Variants in ICA1 observed in about 807,000 individuals in gnomAD.
ICA1 encodes the protein islet cell autoantigen 1.
A neutral mutation model predicts 71.0 loss-of-function variants in ICA1; 40 were observed. The observed-to-expected ratio is 0.56, with a 90% CI of 0.44 to 0.73. The LOEUF is 0.73. Among genes scored for constraint, ICA1 ranks in the 30% least tolerant of loss-of-function variants. The pLI, the probability that ICA1 is intolerant of heterozygous loss-of-function variation, is 0.00. For synonymous variants in ICA1, 207 were observed against 209.5 expected, an observed-to-expected ratio of 0.99 and a Z score of 0.10; for missense variants, 578 against 576.5, an observed-to-expected ratio of 1.00 and a Z score of -0.03.
chr7:8,147,664 T>C (rs546267504), intron 8 of ICA1, among the ~76,000 whole-genome samples: 1 of 147,514 alleles, frequency 6.8e-6, no homozygotes, highest in South Asian at 2.2e-4. Flanking sequence ...GTTTATTAAA[T>C]ATTAGAATTT....
chr7:8,250,565 T>C (rs1807821928), intron 1 of ICA1, among the ~76,000 whole-genome samples: 1 of 152,226 alleles, frequency 6.6e-6, no homozygotes, highest in Non-Finnish European at 1.5e-5. Flanking sequence ...ACCTGAGCAT[T>C]CCACACAACT....
rs1401153501 is a variant in ICA1 at position 8,222,884 on chromosome 7, G to T, written c.257-1486C>A. On this transcript the variant is annotated intron_variant, in intron 4 of 13. Transcript: ENST00000402384. This position sits in a 1 kb window ranked among gnomAD's most constrained non-coding sequence, Gnocchi z 4.8. ...GGCATGTGTCTCTCTTCCCCAGGGG[G>T]CTCTAAGCTTTCCAAGACAGGGATC... is the stretch of plus-strand genomic sequence containing the variant. 6.6e-6 allele frequency among the ~76,000 whole-genome samples: 1 copy of T among 152,144 alleles called. No homozygotes were observed. The highest frequency in any genetic ancestry group is 2.4e-5 in the African/African-American group (1 of 41,428).
Position 8,144,523 on chromosome 7 carries a change from C to CCACG in ICA1, c.805-555_805-552dup, listed in dbSNP as rs1195874677. On this transcript the variant is annotated intron_variant, in intron 8 of 13. Transcript: ENST00000402384. The surrounding 1 kb of genome is among the most constrained non-coding windows in gnomAD (Gnocchi z 4.5). ...TTAACATATTCTGACAACCTAACTCCCACGAGTGGACAGAGCAGGTGCATC... is the reference window on the plus strand; with the variant it reads ...TTAACATATTCTGACAACCTAACTCCCACGCACGAGTGGACAGAGCAGGTGCATC... Among the ~76,000 whole-genome samples the CCACG allele has an allele frequency of 2.0e-5, 3 of 152,198 alleles. No individual in the cohort carries two copies. Among genetic ancestry groups the CCACG allele is most frequent in the Non-Finnish European group, 4.4e-5 (3 of 68,022 alleles).
intron 6 of ICA1, among the ~76,000 whole-genome samples, chr7:8,167,244 G>C (rs891744107): frequency 6.6e-6 from 1 of 152,162 alleles, no homozygotes; most frequent in African/African-American, 2.4e-5. Flanking sequence ...CAGTGGTAGA[G>C]TGGATAAGGA....
intron 1 of ICA1, among the ~76,000 whole-genome samples, chr7:8,240,326 C>T (rs1803354397): frequency 6.6e-6 from 1 of 152,160 alleles, no homozygotes; most frequent in Admixed American, 6.5e-5. Flanking sequence ...GCTGAGGGAC[C>T]TGACTGTTAG....
chr7:8,251,209 T>C (rs1450477435), intron 1 of ICA1, among the ~76,000 whole-genome samples: 1 of 152,096 alleles, frequency 6.6e-6, no homozygotes, highest in Non-Finnish European at 1.5e-5. Context: ...AATGATTGTT[T>C]TATTTACATT....
chr7:8,163,849 T>C (rs1432486906), intron 6 of ICA1, among the ~76,000 whole-genome samples: 1 of 152,222 alleles, frequency 6.6e-6, no homozygotes, highest in Non-Finnish European at 1.5e-5. Flanking sequence ...GGGCACATCC[T>C]GGAGCAGCAC....
intron 6 of ICA1, among the ~76,000 whole-genome samples, chr7:8,186,146 G>T (rs1300722266): frequency 1.3e-5 from 2 of 152,176 alleles, no homozygotes; most frequent in Non-Finnish European, 2.9e-5. Flanking sequence ...CAGATCAAGC[G>T]ACAGCAATTC....
At chr7:8,183,177 T>C (rs961707395) in intron 6 of ICA1, among the ~76,000 whole-genome samples, 1 of 152,178 alleles carries the variant, frequency 6.6e-6, no homozygotes, top group Non-Finnish European at 1.5e-5. Context: ...CGGGGGAAGA[T>C]TAGCTTAGCA....
intron 1 of ICA1, among the ~76,000 whole-genome samples, chr7:8,246,108 C>A (rs1185493592): frequency 6.6e-6 from 1 of 152,156 alleles, no homozygotes; most frequent in Non-Finnish European, 1.5e-5. Context: ...TTTTTAATGA[C>A]ACAGAAAAGA....
intron 9 of ICA1, 40 bp from the exon 10 acceptor site, chr7:8,141,857 A>G (rs749902851): frequency 2.1e-6 from 3 of 1,443,576 alleles, no homozygotes; most frequent in Non-Finnish European, 2.9e-6. Context: ...ACTTCTACCA[A>G]TGTTATATTT....
intron 6 of ICA1, among the ~76,000 whole-genome samples, chr7:8,166,049 C>T (rs556132500): frequency 6.6e-6 from 1 of 152,254 alleles, no homozygotes; most frequent in South Asian, 2.1e-4. Flanking sequence ...AAAAAAAGAG[C>T]CTAAATAGCC....
At chr7:8,157,031 T>A in intron 8 of ICA1, 85 bp downstream of exon 8, 3 of 1,610,880 alleles carry the variant, frequency 1.9e-6, no homozygotes, top group Non-Finnish European at 2.5e-6. Context: ...GGAATAATGA[T>A]GCTTTCTGCA....
intron 6 of ICA1, among the ~76,000 whole-genome samples, chr7:8,199,446 C>T (rs1465427408): frequency 2.0e-5 from 3 of 152,202 alleles, no homozygotes; most frequent in Non-Finnish European, 2.9e-5. Flanking sequence ...CATGGTGGCT[C>T]ACGCCTGTAA....
intron 8 of ICA1, among the ~76,000 whole-genome samples, chr7:8,153,298 T>C (rs566686530): frequency 6.6e-6 from 1 of 152,198 alleles, no homozygotes; most frequent in Non-Finnish European, 1.5e-5. Flanking sequence ...TTTCATTAAA[T>C]ACAGGCACTC....
intron 5 of ICA1, 72 bp from the exon 6 acceptor site, chr7:8,218,575 A>G (rs1043965353): frequency 1.6e-6 from 2 of 1,234,060 alleles, no homozygotes; most frequent in Non-Finnish European, 1.2e-6. Context: ...CATTCTGCCA[A>G]TCTTAGACTC....
chr7:8,227,563 G>A (rs1798978636), intron 4 of ICA1: 1 of 331,448 alleles, frequency 3.0e-6, no homozygotes. Context: ...ATAAAATACT[G>A]CCTCTACATA....
intron 6 of ICA1, among the ~76,000 whole-genome samples, chr7:8,215,355 A>T (rs10253859): frequency 4.0e-5 from 6 of 151,864 alleles, no homozygotes; most frequent in Non-Finnish European, 7.4e-5. Flanking sequence ...CCTTCTACCC[A>T]GCTCTTTCCT....
At chr7:8,212,314 C>G (rs1459700387) in intron 6 of ICA1, among the ~76,000 whole-genome samples, 3 of 152,194 alleles carry the variant, frequency 2.0e-5, no homozygotes, top group African/African-American at 7.2e-5. Flanking sequence ...CCTGTACTCC[C>G]AGCACTTTGG....
Sources: gnomAD v4.1 joint callset for allele counts (sites outside exome capture counted in the v4.1 genomes callset) on GRCh38, gnomAD v4.1.1 for gene constraint, Gnocchi (gnomAD v3.1) non-coding constraint, MANE v1.5 for transcripts, NCBI Gene and HGNC (gene_info 2026-07-23, HGNC 2026-07-21) for gene names.